Variants in FER1L6 observed in about 807,000 individuals in gnomAD.
The protein encoded by FER1L6 is fer-1-like protein 6.
FER1L6 carries 177 observed loss-of-function variants against 219.2 expected under a neutral mutation model. That is an observed-to-expected ratio of 0.81 (90% CI 0.71 to 0.91). The LOEUF (loss-of-function observed/expected upper bound fraction) is 0.91. FER1L6 is among the 40% of genes least tolerant of loss of function. The pLI, the probability that FER1L6 is intolerant of heterozygous loss-of-function variation, is 0.00. For missense variants in FER1L6, 2,153 were observed against 2,259.9 expected, an observed-to-expected ratio of 0.95 and a Z score of 0.96; for synonymous variants, 768 against 824.3, an observed-to-expected ratio of 0.93 and a Z score of 1.17.
rs1047498897 is a variant in FER1L6 at position 123,853,360 on chromosome 8, G to A, written c.-8+1175G>A. Among the ~76,000 whole-genome samples the A allele has an allele frequency of 3.3e-5, 5 of 152,040 alleles. No individual in the cohort carries two copies. Among genetic ancestry groups the A allele is most frequent in the Admixed American group, 1.3e-4 (2 of 15,264 alleles). ...AGAGAAGACGGGGTTTCACCATGAC[G>A]GCCAGGATGGTCTCAAACTTCTGAC... On this transcript the variant is annotated intron_variant, in intron 1 of 40. Transcript: ENST00000522917. This position sits in a 1 kb window ranked among gnomAD's most constrained non-coding sequence, Gnocchi z 6.6.
intron 1 of FER1L6, among the ~76,000 whole-genome samples, chr8:123,913,953 C>T (rs890830243): frequency 2.0e-5 from 3 of 152,106 alleles, no homozygotes; most frequent in Admixed American, 6.5e-5. Context: ...GATACATCTT[C>T]TGTATTAGAA....
chr8:123,989,261 A>G (rs912033369), intron 12 of FER1L6, among the ~76,000 whole-genome samples: 2 of 152,078 alleles, frequency 1.3e-5, no homozygotes, highest in Non-Finnish European at 2.9e-5. Context: ...AGTGTTGATC[A>G]GGGATATTGG....
chr8:123,963,788 G>A (rs1275714727), intron 3 of FER1L6, among the ~76,000 whole-genome samples: 4 of 152,192 alleles, frequency 2.6e-5, no homozygotes, highest in African/African-American at 9.6e-5. Flanking sequence ...CCAACAAAAA[G>A]TCAAAACAAG....
intron 1 of FER1L6, among the ~76,000 whole-genome samples, chr8:123,930,164 CCA>C (rs1480403475): frequency 6.6e-6 from 1 of 152,090 alleles, no homozygotes; most frequent in African/African-American, 2.4e-5. Context: ...TCAGATTTCC[CCA>C]GTTTGACTTG....
intron 39 of FER1L6, among the ~76,000 whole-genome samples, chr8:124,115,336 A>G (rs28719919): frequency 0.075 from 11,384 of 151,966 alleles, 1,450 homozygotes; most frequent in African/African-American, 0.26. Context: ...ACCTCTGTGA[A>G]GAACGATACC....
At position 124,060,186 on chromosome 8, in the gene FER1L6, C is replaced by T. The variant is rs770991907; in HGVS notation, c.2881C>T (p.Pro961Ser). The T allele has an allele frequency of 1.2e-6, 2 of 1,613,896 alleles. No individual in the cohort carries two copies. Among genetic ancestry groups the T allele is most frequent in the South Asian group, 1.1e-5 (1 of 91,074 alleles). Residue 961 changes from proline (P) to serine (S), a missense_variant, in exon 23 of 41, where the codon CCT becomes TCT. Coordinates refer to ENST00000522917, the MANE Select transcript of FER1L6 (RefSeq NM_001039112.2). ...TACTTGCCTTGTGCGGTAGGTTCCT[C>T]CTTCTGGGCTGCAAGGCCTCCCACC... The part of the protein sequence containing the change: ...LAVFELLQVP[P>S]SGLQGLPPVE...
chr8:124,014,768 G>A (rs758627885), intron 15 of FER1L6, among the ~76,000 whole-genome samples: 4 of 152,104 alleles, frequency 2.6e-5, no homozygotes, highest in Non-Finnish European at 4.4e-5. Flanking sequence ...AAAAAATAGG[G>A]TACATAGTTA....
At chr8:124,059,338 C>T (rs1472040268) in intron 22 of FER1L6, among the ~76,000 whole-genome samples, 1 of 152,192 alleles carries the variant, frequency 6.6e-6, no homozygotes, top group Non-Finnish European at 1.5e-5. Context: ...TGGACTCAGT[C>T]CTCTATTTCT....
Position 124,045,868 on chromosome 8 carries a change from A to G in FER1L6, c.2691A>G (p.Leu897=). The G allele has an allele frequency of 6.2e-7, 1 of 1,613,986 alleles. No individual in the cohort carries two copies. The highest frequency in any genetic ancestry group is 8.5e-7 in the Non-Finnish European group (1 of 1,179,974). ...AGGAGCTGGCAGAGTCCCCGCCCTT[A>G]GTGGTGGTGGAGCTGTATGACAGCG... is the stretch of plus-strand genomic sequence containing the variant. The part of the protein sequence containing the change: ...DVKELAESPP[L]VVVELYDSDA... Residue 897 remains leucine, a synonymous_variant, in exon 21 of 41, where the codon TTA becomes TTG. Coordinates refer to ENST00000522917, the MANE Select transcript of FER1L6 (RefSeq NM_001039112.2).
intron 20 of FER1L6, among the ~76,000 whole-genome samples, chr8:124,042,618 G>A (rs1482067266): frequency 1.3e-5 from 2 of 152,100 alleles, no homozygotes; most frequent in South Asian, 2.1e-4. Context: ...TCACTTCTGC[G>A]CTAACACAGA....
chr8:124,050,587 C>G (rs571836638), intron 22 of FER1L6, among the ~76,000 whole-genome samples: 2 of 152,234 alleles, frequency 1.3e-5, no homozygotes, highest in South Asian at 4.1e-4. Context: ...ATCAATACCT[C>G]TATCTTAGGC....
chr8:124,081,110 T>C (rs763513569), intron 32 of FER1L6, among the ~76,000 whole-genome samples: 3 of 152,182 alleles, frequency 2.0e-5, no homozygotes, highest in Non-Finnish European at 4.4e-5. Flanking sequence ...CAGACAGCCC[T>C]GTGGACATGC....
chr8:124,073,209 A>G (rs1385230768), intron 31 of FER1L6, among the ~76,000 whole-genome samples: 2 of 152,212 alleles, frequency 1.3e-5, no homozygotes, highest in African/African-American at 4.8e-5. Context: ...TCATGTATTC[A>G]TTCAGAAAAT....
chr8:124,077,735 G>T (rs1261050131), intron 32 of FER1L6, among the ~76,000 whole-genome samples: 2 of 152,210 alleles, frequency 1.3e-5, no homozygotes, highest in Non-Finnish European at 2.9e-5. Context: ...GATGAAGTCA[G>T]TGTTCCCTCC....
At position 124,119,786 on chromosome 8, in the gene FER1L6, C is replaced by T; in HGVS notation, c.5570C>T (p.Ser1857Leu). 2 of 1,613,668 alleles carry T rather than the reference C, an allele frequency of 1.2e-6. No homozygotes were observed. Among genetic ancestry groups the T allele is most frequent in the South Asian group, 1.1e-5 (1 of 90,998 alleles). The change falls in exon 41 of 41, where the codon TCA (serine) becomes TTA (leucine). Residue 1857 changes from serine to leucine, a missense_variant. By Grantham distance (145) the Ser-to-Leu change is moderately radical (BLOSUM62 -2). Transcript: ENST00000522917. ...GAISRRIVVG[S>L] Reference sequence around the variant, plus strand: ...ATCAGCCGAAGGATCGTTGTGGGCTCATAGAGGATCATGGAGGACCCAGAT... The same window carrying T: ...ATCAGCCGAAGGATCGTTGTGGGCTTATAGAGGATCATGGAGGACCCAGAT...
chr8:124,020,807 T>A (rs1222448063), intron 16 of FER1L6, among the ~76,000 whole-genome samples: 1 of 152,184 alleles, frequency 6.6e-6, no homozygotes, highest in Non-Finnish European at 1.5e-5. Context: ...GTGGTTAGAA[T>A]GTTGCCTGGC....
chr8:123,977,418 G>T lies in FER1L6; in HGVS notation c.872G>T (p.Gly291Val). The T allele has an allele frequency of 6.2e-7, 1 of 1,612,082 alleles. No homozygotes were observed. The highest frequency in any genetic ancestry group is 8.5e-7 in the Non-Finnish European group (1 of 1,178,888). ...FVEVSFAGQMGRTTVQKNCAD... is the reference protein window; with the variant it reads ...FVEVSFAGQMVRTTVQKNCAD... ...ATGTCCTCCTGGCTGTGTTTTTAGG[G>T]GCGAACCACAGTGCAGAAGAACTGT... is the stretch of plus-strand genomic sequence containing the variant. The change falls in exon 10 of 41, where the codon GGG becomes GTG. Residue 291 changes from glycine to valine, a missense_variant and splice_region_variant. Physicochemically the swap from Gly to Val is moderately radical, Grantham distance 109. Coordinates refer to ENST00000522917, the MANE Select transcript of FER1L6 (RefSeq NM_001039112.2).
intron 22 of FER1L6, among the ~76,000 whole-genome samples, chr8:124,053,884 C>T (rs1820159197): frequency 6.6e-6 from 1 of 152,102 alleles, no homozygotes; most frequent in African/African-American, 2.4e-5. Flanking sequence ...GGATATAATA[C>T]CTTTGTTCTC....
intron 1 of FER1L6, among the ~76,000 whole-genome samples, chr8:123,932,876 G>A (rs1047683743): frequency 5.3e-5 from 8 of 152,170 alleles, no homozygotes; most frequent in African/African-American, 1.9e-4. Flanking sequence ...ACAAAATCAG[G>A]CCAACCAAAC....
Sources: allele counts gnomAD v4.1 joint callset (sites outside exome capture counted in the v4.1 genomes callset), GRCh38; gene constraint gnomAD v4.1.1; non-coding constraint Gnocchi (gnomAD v3.1); transcripts MANE v1.5; gene names NCBI Gene and HGNC (gene_info 2026-07-23, HGNC 2026-07-21).